The following ALMS1 variants were observed in gnomAD, a reference collection of about 807,000 sequenced individuals.
ALMS1 encodes centrosome-associated protein ALMS1.
ALMS1 carries 271 observed loss-of-function variants against 352.2 expected under a neutral mutation model. The ratio of observed to expected loss-of-function variants is 0.77; its 90% CI spans 0.70 to 0.85. The LOEUF (loss-of-function observed/expected upper bound fraction) is 0.85, where lower values mean the gene tolerates loss of function less well. Among genes scored for constraint, ALMS1 ranks in the 40% least tolerant of loss-of-function variants. The pLI, the probability that ALMS1 is intolerant of heterozygous loss-of-function variation, is 0.00. For synonymous variants in ALMS1, 1,865 were observed against 1,761.2 expected (o/e 1.06, Z -1.48); for missense variants, 5,445 against 4,870.7 (o/e 1.12, Z -3.51).
rs780264083 is a variant in ALMS1 at position 73,524,935 on chromosome 2, C to G, written c.9781+4919C>G. 1.6e-4 allele frequency among the ~76,000 whole-genome samples: 24 copies of G among 152,136 alleles called. 1 individual carries two copies. Among genetic ancestry groups the G allele is most frequent in the Admixed American group, 6.5e-5 (1 of 15,268 alleles). ...AGCCATCTTTCTCTCTCATGTGTGTCCATGAATTCAGTTGTTTTAATTTTT... is the reference window on the plus strand; with the variant it reads ...AGCCATCTTTCTCTCTCATGTGTGTGCATGAATTCAGTTGTTTTAATTTTT... On this transcript the variant is annotated intron_variant, in intron 11 of 22. Coordinates refer to ENST00000613296, the MANE Select transcript of ALMS1 (RefSeq NM_001378454.1).
At chr2:73,386,344 C>CG in intron 1 of ALMS1, 152 bp downstream of exon 1, 1 of 1,120,570 alleles carries the variant, frequency 8.9e-7, no homozygotes, top group Middle Eastern at 3.1e-4. Flanking sequence ...GCCCAGGTGC[C>CG]GGCCGGCTGC....
intron 9 of ALMS1, among the ~76,000 whole-genome samples, chr2:73,482,267 A>G (rs1357061697): frequency 1.3e-5 from 2 of 152,194 alleles, no homozygotes; most frequent in African/African-American, 2.4e-5. Flanking sequence ...TACCTAATCT[A>G]TTGAGAGTTT....
chr2:73,446,407 T>C (rs1281247822), intron 7 of ALMS1, among the ~76,000 whole-genome samples: 1 of 152,236 alleles, frequency 6.6e-6, no homozygotes, highest in African/African-American at 2.4e-5. Flanking sequence ...GAGCCTGTTT[T>C]GTTTCCTCAC....
In ALMS1 at chr2:73,451,733, C is replaced by G. The variant is rs1671944938; in HGVS notation, c.5206C>G (p.Leu1736Val). ...LPDSELTQEALKVSAVPQPAD... is the reference protein window; with the variant it reads ...LPDSELTQEAVKVSAVPQPAD... ...AGACAGTGAGCTAACTCAAGAAGCT[C>G]TGAAAGTTTCAGCTGTTCCTCAACC... Residue 1736 changes from leucine to valine, a missense_variant, in exon 8 of 23, where the codon CTG becomes GTG. Leu to Val is a conservative substitution (Grantham distance 32, BLOSUM62 1). Transcript: ENST00000613296. The G allele has an allele frequency of 1.9e-6, 3 of 1,613,680 alleles. No homozygotes were observed. The highest frequency in any genetic ancestry group is 8.5e-7 in the Non-Finnish European group (1 of 1,179,910).
intron 16 of ALMS1, among the ~76,000 whole-genome samples, chr2:73,595,463 A>G (rs975196812): frequency 1.3e-5 from 2 of 152,198 alleles, no homozygotes; most frequent in Non-Finnish European, 2.9e-5. Context: ...TCCGTGCTGT[A>G]GTATGCATCA....
chr2:73,485,209 T>G (rs1243670539), intron 9 of ALMS1, among the ~76,000 whole-genome samples: 2 of 152,264 alleles, frequency 1.3e-5, no homozygotes, highest in African/African-American at 4.8e-5. Flanking sequence ...TGTGGTTTTA[T>G]CTACTTTTGG....
At chr2:73,588,144 GA>G (rs1220783485) in intron 16 of ALMS1, among the ~76,000 whole-genome samples, 6 of 152,114 alleles carry the variant, frequency 3.9e-5, no homozygotes, top group African/African-American at 1.4e-4. Context: ...GATAAAGAGG[GA>G]ATCCTCCTTA....
intron 11 of ALMS1, among the ~76,000 whole-genome samples, chr2:73,521,432 A>G (rs1302422211): frequency 2.0e-5 from 3 of 152,050 alleles, no homozygotes; most frequent in African/African-American, 7.3e-5. Flanking sequence ...TGGCAGAAAC[A>G]CAAGAGAGGA....
intron 21 of ALMS1, 112 bp downstream of exon 21, chr2:73,603,416 T>G: frequency 1.0e-6 from 1 of 973,698 alleles, no homozygotes; most frequent in South Asian, 1.4e-5. Flanking sequence ...TTAAACATTA[T>G]GAGAAAGTTG....
In ALMS1 at chr2:73,451,145, G is replaced by A; in HGVS notation, c.4618G>A (p.Gly1540Ser). Residue 1540 changes from glycine (G) to serine (S), a missense_variant, in exon 8 of 23, where the codon GGT becomes AGT. Coordinates refer to ENST00000613296, the MANE Select transcript of ALMS1 (RefSeq NM_001378454.1). ...SGSFYQLALL[G>S]SQIPEEALRV... Reference sequence around the variant, plus strand: ...CAGTTTCTACCAACTGGCATTGCTAGGTAGTCAAATACCTGAAGAGGCTCT... The same window carrying A: ...CAGTTTCTACCAACTGGCATTGCTAAGTAGTCAAATACCTGAAGAGGCTCT... 6.2e-7 allele frequency: 1 copy of A among 1,613,632 alleles called. No individual in the cohort carries two copies. The highest frequency in any genetic ancestry group is 8.5e-7 in the Non-Finnish European group (1 of 1,179,838).
At chr2:73,421,098 T>TA (rs1671274272) in intron 3 of ALMS1, among the ~76,000 whole-genome samples, 2 of 152,296 alleles carry the variant, frequency 1.3e-5, no homozygotes, top group South Asian at 4.1e-4. Flanking sequence ...CTTTAGCAAA[T>TA]ACATTTGCCT....
rs1161307845 is a variant in ALMS1, at chr2:73,455,315, A to T, written c.7674+20A>T. ...TCCAAGGTATAAAAGAAATCTGGAAATGAAGAAAGTAAATATGAAAGAATG... is the reference window on the plus strand; with the variant it reads ...TCCAAGGTATAAAAGAAATCTGGAATTGAAGAAAGTAAATATGAAAGAATG... On this transcript the variant is annotated intron_variant, in intron 9 of 22. Transcript: ENST00000613296. 1.2e-6 allele frequency: 2 copies of T among 1,613,362 alleles called. No individual in the cohort carries two copies. The highest frequency in any genetic ancestry group is 2.7e-5 in the African/African-American group (2 of 74,922).
intron 9 of ALMS1, among the ~76,000 whole-genome samples, chr2:73,461,580 G>A (rs879287484): frequency 8.5e-5 from 13 of 152,182 alleles, no homozygotes; most frequent in Non-Finnish European, 1.5e-4. Flanking sequence ...CAGCTCCTCA[G>A]CAGCAACGGA....
At chr2:73,591,088 G>T (rs1043889752) in intron 16 of ALMS1, among the ~76,000 whole-genome samples, 2 of 152,048 alleles carry the variant, frequency 1.3e-5, no homozygotes, top group Non-Finnish European at 2.9e-5. Flanking sequence ...GGGACTACAG[G>T]CATGTGCCAC....
intron 21 of ALMS1, chr2:73,603,559 G>A (rs112886759): frequency 4.4e-6 from 2 of 454,460 alleles, no homozygotes; most frequent in Non-Finnish European, 8.1e-6. Context: ...AAACCTAAAT[G>A]TAAATAAAGA....
intron 12 of ALMS1, among the ~76,000 whole-genome samples, chr2:73,537,897 T>G (rs2103998105): frequency 6.6e-6 from 1 of 152,172 alleles, no homozygotes; most frequent in East Asian, 1.9e-4. Context: ...TCCCAGCTAC[T>G]CGGAAGGCTG....
Position 73,395,933 on chromosome 2 carries a change from A to G in ALMS1, c.324+9741A>G, listed in dbSNP as rs116973610. Among the ~76,000 whole-genome samples the G allele has an allele frequency of 7.3e-4, 111 of 152,272 alleles. No homozygotes were observed. The East Asian group carries it at 0.017, about 24-fold the overall frequency. ...CATTGGAAGAATTGTCTTGGGCCAC[A>G]CATAAAATACACTAACAATAGCTGA... On this transcript the variant is annotated intron_variant, in intron 1 of 22. Coordinates refer to ENST00000613296, the MANE Select transcript of ALMS1 (RefSeq NM_001378454.1).
rs779018887 is a variant in ALMS1 at position 73,451,148 on chromosome 2, A to G, written c.4621A>G (p.Ser1541Gly). 1.9e-6 allele frequency: 3 copies of G among 1,613,902 alleles called. No homozygotes were observed. The highest frequency in any genetic ancestry group is 2.7e-5 in the African/African-American group (2 of 74,878). ...TTTCTACCAACTGGCATTGCTAGGT[A>G]GTCAAATACCTGAAGAGGCTCTCAG... is the stretch of plus-strand genomic sequence containing the variant. Reference protein sequence around the residue: ...GSFYQLALLGSQIPEEALRVS... With the variant: ...GSFYQLALLGGQIPEEALRVS... Residue 1541 changes from serine (S) to glycine (G), a missense_variant, in exon 8 of 23, where the codon AGT becomes GGT. Transcript: ENST00000613296.
intron 3 of ALMS1, 104 bp from the exon 4 acceptor site, chr2:73,422,753 A>AATTCTCC: frequency 1.1e-6 from 1 of 908,578 alleles, no homozygotes; most frequent in Non-Finnish European, 1.8e-6. Flanking sequence ...ATGCTTGTAG[A>AATTCTCC]ATTCTCCATA....
Sources: gnomAD v4.1 joint callset for allele counts (sites outside exome capture counted in the v4.1 genomes callset) on GRCh38, gnomAD v4.1.1 for gene constraint, MANE v1.5 for transcripts, NCBI Gene and HGNC (gene_info 2026-07-23, HGNC 2026-07-21) for gene names.